Variants in FANCA observed in about 807,000 individuals in gnomAD.
FANCA encodes the protein Fanconi anemia group A protein.
FANCA carries 236 observed loss-of-function variants against 194.3 expected under a neutral mutation model. The ratio of observed to expected loss-of-function variants is 1.21; its 90% CI spans 1.09 to 1.35. FANCA has a LOEUF of 1.35. Ranked by LOEUF, FANCA falls within the 40% of genes most tolerant of loss-of-function variation. The probability of loss-of-function intolerance (pLI) is 0.00; values close to 1 mark genes in which losing one functional copy is unlikely to be tolerated. For synonymous variants in FANCA, 1,014 were observed against 715.8 expected, an observed-to-expected ratio of 1.42 and a Z score of -6.65; for missense variants, 2,628 against 1,813.9, an observed-to-expected ratio of 1.45 and a Z score of -8.15.
chr16:89,799,131 C>G, intron 10 of FANCA, 35 bp downstream of exon 10: 1 of 1,614,198 alleles, frequency 6.2e-7, no homozygotes, highest in Non-Finnish European at 8.5e-7. Context: ...CACCTCCCTG[C>G]TGCACACTCA....
chr16:89,784,295 T>C (rs1306426473), intron 15 of FANCA, among the ~76,000 whole-genome samples: 1 of 150,716 alleles, frequency 6.6e-6, no homozygotes, highest in Non-Finnish European at 1.5e-5. Flanking sequence ...CTGCTTGACC[T>C]GGGAGGTCTA....
intron 1 of FANCA, 30 bp downstream of exon 1, chr16:89,816,507 C>T: frequency 1.4e-6 from 2 of 1,473,232 alleles, no homozygotes; most frequent in Non-Finnish European, 1.8e-6. Flanking sequence ...CGGACGCCGC[C>T]CACTCCCGCG....
chr16:89,776,536 T>C (rs1598122512), intron 20 of FANCA, among the ~76,000 whole-genome samples: 2 of 151,930 alleles, frequency 1.3e-5, no homozygotes, highest in Non-Finnish European at 2.9e-5. Flanking sequence ...ATTAAAAATA[T>C]GCAAAATTGG....
chr16:89,804,800 G>A (rs1006188832), intron 7 of FANCA, among the ~76,000 whole-genome samples: 13 of 152,116 alleles, frequency 8.5e-5, no homozygotes, highest in East Asian at 3.9e-4. Context: ...TTGGGAGGCC[G>A]AGGGGGGTGC....
In FANCA at chr16:89,780,714, AG is replaced by A. The variant is rs532367471; in HGVS notation, c.1627-758del. ...GGGGCCAAGGCGGAAGGATCACTTG[AG>A]CCCAGGAGTTTAAGACCAGTCTCGG... On this transcript the variant is annotated intron_variant, in intron 17 of 42. Transcript: ENST00000389301. Among the ~76,000 whole-genome samples the A allele has an allele frequency of 9.2e-5, 14 of 151,814 alleles. No individual in the cohort carries two copies. The East Asian group carries it at 2.7e-3, about 30-fold the overall frequency.
At chr16:89,796,130 G>A in intron 10 of FANCA, 112 bp from the exon 11 acceptor site, 1 of 801,422 alleles carries the variant, frequency 1.2e-6, no homozygotes, top group East Asian at 2.6e-5. Context: ...GCAAGGAAGG[G>A]GCTTTCTTGG....
chr16:89,743,562 G>T lies in FANCA; in HGVS notation c.3627-624C>A, dbSNP rs997219994. On this transcript the variant is annotated intron_variant, in intron 36 of 42. Transcript: ENST00000389301. ...AACGAGGCAGGGCGTGGTGGTTCAC[G>T]CCTGTAATCCCAGCACTTTGGGAGG... Among the ~76,000 whole-genome samples, 6 of 152,184 alleles carry T rather than the reference G, an allele frequency of 3.9e-5. No individual in the cohort carries two copies. In the South Asian group the frequency reaches 6.2e-4, roughly 16 times the overall value.
intron 28 of FANCA, among the ~76,000 whole-genome samples, chr16:89,764,122 G>C (rs1013915510): frequency 9.9e-5 from 15 of 151,626 alleles, no homozygotes; most frequent in Admixed American, 5.3e-4. Flanking sequence ...GGCGCCTGTA[G>C]TCCCAGCTAC....
Position 89,770,230 on chromosome 16 carries a change from C to T in FANCA, c.2252G>A (p.Arg751Lys), listed in dbSNP as rs746459755. 1.3e-6 allele frequency: 2 copies of T among 1,588,822 alleles called. No homozygotes were observed. The highest frequency in any genetic ancestry group is 1.7e-6 in the Non-Finnish European group (2 of 1,168,052). ...RQGPWAALFV[R>K]TMCGRVLPAV... The stretch of plus-strand genomic sequence containing the variant: ...AGGGAGCACACGTCCACACATGGTC[C>T]TCACGAAGAGGGCAGCCCAGGGACC... Residue 751 changes from arginine (R) to lysine (K), a missense_variant, in exon 25 of 43, where the codon AGG (arginine) becomes AAG (lysine). Coordinates refer to ENST00000389301, the MANE Select transcript of FANCA (RefSeq NM_000135.4).
chr16:89,747,849 GC>G (rs1295897548), intron 33 of FANCA, among the ~76,000 whole-genome samples: 1 of 152,164 alleles, frequency 6.6e-6, no homozygotes, highest in African/African-American at 2.4e-5. Flanking sequence ...AGTGGGAGGG[GC>G]TGGTATCCGT....
rs891627740 is a variant in FANCA, at chr16:89,803,081, C to T, written c.792+178G>A. Among the ~76,000 whole-genome samples the T allele has an allele frequency of 8.4e-4, 128 of 152,202 alleles. 1 individual carries two copies. The highest frequency in any genetic ancestry group is 2.6e-4 in the African/African-American group (11 of 41,524). On this transcript the variant is annotated intron_variant, in intron 8 of 42. Transcript: ENST00000389301. ...CAGAAATGATACATACTGGAGGTGA[C>T]GGAGACTCTAAACACCCTGACTTGA... is the stretch of plus-strand genomic sequence containing the variant.
chr16:89,770,273 C>T lies in FANCA; in HGVS notation c.2223-14G>A, dbSNP rs767469162. 1.1e-5 allele frequency: 17 copies of T among 1,561,628 alleles called. No homozygotes were observed. The highest frequency in any genetic ancestry group is 7.1e-5 in the South Asian group (6 of 84,946). On this transcript the variant is annotated splice_polypyrimidine_tract_variant and intron_variant, in intron 24 of 42. Transcript: ENST00000389301. ...CAGGGACCCTGCCTGCAGAGACAGC[C>T]GTGAAACCATCAGTACTAGCCATTC...
Position 89,783,015 on chromosome 16 carries a change from C to G in FANCA, c.1558G>C (p.Asp520His), listed in dbSNP as rs754123446. 53 of 1,613,784 alleles carry G rather than the reference C, an allele frequency of 3.3e-5. No individual in the cohort carries two copies. The highest frequency in any genetic ancestry group is 4.3e-5 in the Non-Finnish European group (51 of 1,179,852). ...ATGGAGGGACAGCTTGCCTTGAGGTCGGCCAGCCGTGTCTTGGCCAATGAG... is the reference window on the plus strand; with the variant it reads ...ATGGAGGGACAGCTTGCCTTGAGGTGGGCCAGCCGTGTCTTGGCCAATGAG... ...YISLAKTRLA[D>H]LKVSIENMGL... The change falls in exon 16 of 43, where the codon GAC becomes CAC. Residue 520 changes from aspartate (D) to histidine (H), a missense_variant. By Grantham distance (81) the Asp-to-His change is moderately conservative. Transcript: ENST00000389301.
chr16:89,742,653 CAAAA>C (rs749345470), intron 37 of FANCA, 143 bp downstream of exon 37: 498 of 309,628 alleles, frequency 1.6e-3, no homozygotes, highest in East Asian at 3.6e-3. Context: ...ACTAAAAATA[CAAAA>C]AAAAAAAAAA....
intron 14 of FANCA, among the ~76,000 whole-genome samples, chr16:89,786,220 G>T (rs1293813827): frequency 6.6e-6 from 1 of 151,412 alleles, no homozygotes; most frequent in Non-Finnish European, 1.5e-5. Flanking sequence ...GCCTCACTCT[G>T]TCACCCAGGC....
intron 6 of FANCA, among the ~76,000 whole-genome samples, chr16:89,807,775 C>T (rs1402568224): frequency 1.3e-5 from 2 of 151,702 alleles, no homozygotes; most frequent in African/African-American, 2.4e-5. Context: ...CCCAGCTACT[C>T]GGGAAGCTGA....
At position 89,737,574 on chromosome 16, in the gene FANCA, C is replaced by CT; in HGVS notation, c.*1026dup. 1 of 700,512 alleles carries CT rather than the reference C, an allele frequency of 1.4e-6. No individual in the cohort carries two copies. Among genetic ancestry groups the CT allele is most frequent in the Non-Finnish European group, 2.2e-6 (1 of 456,992 alleles). The allele number at this position is 700,512 out of a possible 1,614,324, so 43.4% of individuals were successfully genotyped here. Reference sequence around the variant, plus strand: ...TTAAGGAAATAGCTTTCTGAGGTTTCTTTAAAAACCATCCTGAAATGCACA... The same window carrying CT: ...TTAAGGAAATAGCTTTCTGAGGTTTCTTTTAAAAACCATCCTGAAATGCACA... On this transcript the variant is annotated 3_prime_UTR_variant, in exon 43 of 43. Coordinates refer to ENST00000389301, the MANE Select transcript of FANCA (RefSeq NM_000135.4).
At position 89,742,838 on chromosome 16, in the gene FANCA, T is replaced by G. The variant is rs1051421921; in HGVS notation, c.3727A>C (p.Arg1243=). 5.0e-6 allele frequency: 8 copies of G among 1,614,172 alleles called. No individual in the cohort carries two copies. Among genetic ancestry groups the G allele is most frequent in the Non-Finnish European group, 6.8e-6 (8 of 1,180,028 alleles). The change falls in exon 37 of 43, where the codon AGG becomes CGG. Residue 1243 remains arginine (R), a synonymous_variant. Transcript: ENST00000389301. ...CAGTCCAGCTTCTTTAGCTGCTTCC[T>G]GATGTTTTCTTCCCTGACTTGTTGA... The part of the protein sequence containing the change: ...AIQQVREENI[R]KQLKKLDCER...
rs374510260 is a variant in FANCA at position 89,740,109 on chromosome 16, G to T, written c.3829-10C>A. ...GCAGGTCTGTGGTGCTCTGTAAACCGCAGGAGACCAACCCTGAGAATGGCC... is the reference window on the plus strand; with the variant it reads ...GCAGGTCTGTGGTGCTCTGTAAACCTCAGGAGACCAACCCTGAGAATGGCC... On this transcript the variant is annotated splice_polypyrimidine_tract_variant and intron_variant, in intron 38 of 42. Coordinates refer to ENST00000389301, the MANE Select transcript of FANCA (RefSeq NM_000135.4). 1 of 1,611,400 alleles carries T rather than the reference G, an allele frequency of 6.2e-7. No individual in the cohort carries two copies. The highest frequency in any genetic ancestry group is 8.5e-7 in the Non-Finnish European group (1 of 1,177,702).
Sources: gnomAD v4.1 joint callset for allele counts (sites outside exome capture counted in the v4.1 genomes callset) on GRCh38, gnomAD v4.1.1 for gene constraint, MANE v1.5 for transcripts, NCBI Gene and HGNC (gene_info 2026-07-23, HGNC 2026-07-21) for gene names.